Variants in AHI1 observed in about 807,000 individuals in gnomAD.
The protein encoded by AHI1 is Abelson helper integration site 1, also known as jouberin.
In AHI1, 123 loss-of-function variants were observed where a neutral mutation model predicts 149.3. The observed-to-expected ratio is 0.82, with a 90% CI of 0.71 to 0.96. AHI1 has a LOEUF of 0.96. Among genes scored for constraint, AHI1 ranks in the 40% least tolerant of loss-of-function variants. AHI1 has a pLI of 0.00. For synonymous variants in AHI1, 475 were observed against 459.8 expected (o/e 1.03, Z -0.42); for missense variants, 1,439 against 1,422.7 (o/e 1.01, Z -0.18).
chr6:135,323,612 A>G (rs1020501665), intron 24 of AHI1, among the ~76,000 whole-genome samples: 3 of 152,038 alleles, frequency 2.0e-5, no homozygotes, highest in African/African-American at 7.2e-5. Context: ...TGAAGCAAAT[A>G]AAAAAAAGCT....
intron 15 of AHI1, 147 bp from the exon 16 acceptor site, chr6:135,433,403 A>T (rs575602204): frequency 1.3e-4 from 81 of 600,912 alleles, no homozygotes; most frequent in Non-Finnish European, 2.0e-4. Context: ...AATGAAAAAT[A>T]TAATGATGAT....
intron 5 of AHI1, among the ~76,000 whole-genome samples, chr6:135,470,801 G>A (rs1472697870): frequency 6.6e-6 from 1 of 151,932 alleles, no homozygotes; most frequent in African/African-American, 2.4e-5. Context: ...GTTTGGGGGA[G>A]GGAGAGCATC....
rs773514922 is a variant in AHI1 at position 135,318,615 on chromosome 6, T to C, written c.3330A>G (p.Thr1110=). 21 of 1,591,820 alleles carry C rather than the reference T, an allele frequency of 1.3e-5. No homozygotes were observed. The East Asian group carries it at 4.0e-4, about 31-fold the overall frequency. Residue 1110 remains threonine, a splice_region_variant and synonymous_variant, in exon 26 of 29, where the codon ACA becomes ACG. Transcript: ENST00000265602. ...TCTCAGGAGGCAGTTCTTGATACAG[T>C]GCTGAAATTGGAAAAAGGAATTCAT... ...YFPANHVASE[T]LYQELPPEIK...
intron 5 of AHI1, among the ~76,000 whole-genome samples, chr6:135,487,817 T>G (rs1562287610): frequency 6.6e-6 from 1 of 152,182 alleles, no homozygotes; most frequent in Non-Finnish European, 1.5e-5. Flanking sequence ...CATCCCTTCC[T>G]CTAAGATCTT....
chr6:135,328,304 C>T (rs1337560183), intron 24 of AHI1, among the ~76,000 whole-genome samples: 1 of 152,188 alleles, frequency 6.6e-6, no homozygotes, highest in East Asian at 1.9e-4. Flanking sequence ...AGGTTTGTGG[C>T]AACCCTGCAT....
chr6:135,395,242 A>G (rs1243825001), intron 22 of AHI1, among the ~76,000 whole-genome samples: 1 of 151,960 alleles, frequency 6.6e-6, no homozygotes, highest in African/African-American at 2.4e-5. Flanking sequence ...AAGGGTAAAA[A>G]TGTTTCATAT....
chr6:135,305,956 T>G (rs954039227), intron 26 of AHI1, among the ~76,000 whole-genome samples: 4 of 152,208 alleles, frequency 2.6e-5, no homozygotes, highest in Non-Finnish European at 5.9e-5. Context: ...TCTTAAAACC[T>G]AATTCATCCA....
intron 23 of AHI1, among the ~76,000 whole-genome samples, chr6:135,366,060 CCA>C (rs1383758273): frequency 6.6e-6 from 1 of 152,128 alleles, no homozygotes; most frequent in Non-Finnish European, 1.5e-5. Flanking sequence ...CTTGAGATGA[CCA>C]CATGACTTTT....
At chr6:135,368,940 T>C (rs1404773078) in intron 23 of AHI1, among the ~76,000 whole-genome samples, 1 of 152,254 alleles carries the variant, frequency 6.6e-6, no homozygotes, top group Non-Finnish European at 1.5e-5. Flanking sequence ...CAGGAAACTT[T>C]GCCTTCAGTT....
Position 135,463,319 on chromosome 6 carries a change from T to C in AHI1, c.750-13A>G. On this transcript the variant is annotated splice_polypyrimidine_tract_variant and intron_variant, in intron 7 of 28. Transcript: ENST00000265602. ...GATGGTCAATGTACTACAAATATAA[T>C]CCAAGTATCAGCCATTACAGATATA... 1.3e-6 allele frequency: 2 copies of C among 1,582,562 alleles called. No homozygotes were observed. Among genetic ancestry groups the C allele is most frequent in the Non-Finnish European group, 1.7e-6 (2 of 1,166,376 alleles).
chr6:135,329,167 A>T (rs1788155939), intron 24 of AHI1, among the ~76,000 whole-genome samples: 1 of 152,360 alleles, frequency 6.6e-6, no homozygotes, highest in Admixed American at 6.5e-5. Flanking sequence ...TCTAGGTAAG[A>T]TCACTAATGA....
chr6:135,454,725 T>C (rs1788645063), intron 10 of AHI1, among the ~76,000 whole-genome samples: 1 of 152,190 alleles, frequency 6.6e-6, no homozygotes, highest in Admixed American at 6.5e-5. Flanking sequence ...CTTCTTCATC[T>C]CTTAATACTA....
intron 10 of AHI1, among the ~76,000 whole-genome samples, chr6:135,454,238 T>C (rs141324974): frequency 6.6e-6 from 1 of 152,232 alleles, no homozygotes; most frequent in Non-Finnish European, 1.5e-5. Context: ...GCCAAATCTT[T>C]TTCTGTGCAT....
intron 19 of AHI1, 103 bp downstream of exon 19, chr6:135,428,526 T>C: frequency 7.6e-7 from 1 of 1,316,152 alleles, no homozygotes; most frequent in Admixed American, 3.2e-5. Context: ...AAACCCAAAA[T>C]CAGAATTTCC....
intron 23 of AHI1, among the ~76,000 whole-genome samples, chr6:135,370,489 G>C (rs992226527): frequency 4.6e-5 from 7 of 152,208 alleles, no homozygotes; most frequent in Non-Finnish European, 7.3e-5. Flanking sequence ...ATAGTCCTTA[G>C]AAGTTCAGCT....
At chr6:135,352,067 T>A (rs1378958606) in intron 24 of AHI1, among the ~76,000 whole-genome samples, 1 of 152,158 alleles carries the variant, frequency 6.6e-6, no homozygotes, top group African/African-American at 2.4e-5. Flanking sequence ...ATCCCGATAG[T>A]CTCCTTATTT....
chr6:135,446,134 C>A (rs1337439904), intron 13 of AHI1, among the ~76,000 whole-genome samples: 2 of 152,104 alleles, frequency 1.3e-5, no homozygotes, highest in East Asian at 1.9e-4. Context: ...CTGTTATAGG[C>A]TGAATTGTGT....
At chr6:135,415,083 GAT>G (rs768306126) in intron 20 of AHI1, among the ~76,000 whole-genome samples, 81 of 150,440 alleles carry the variant, frequency 5.4e-4, no homozygotes, top group Non-Finnish European at 1.0e-3. Flanking sequence ...TTGTCCTTGC[GAT>G]AGTTTGCTGA....
intron 26 of AHI1, among the ~76,000 whole-genome samples, chr6:135,303,025 T>G (rs61609771): frequency 0.024 from 3,624 of 152,226 alleles, 162 homozygotes; most frequent in African/African-American, 0.083. Context: ...AAGTGACGAG[T>G]GAAAGGACCA....
Sources: gnomAD v4.1 joint callset for allele counts (sites outside exome capture counted in the v4.1 genomes callset) on GRCh38, gnomAD v4.1.1 for gene constraint, MANE v1.5 for transcripts, NCBI Gene and HGNC (gene_info 2026-07-23, HGNC 2026-07-21) for gene names.